Variants in FMN1 observed in about 807,000 individuals in gnomAD.
FMN1 encodes the protein formin 1, also known as formin-1.
A neutral mutation model predicts 132.4 loss-of-function variants in FMN1; 110 were observed. The observed-to-expected ratio is 0.83, with a 90% CI of 0.71 to 0.97. The LOEUF is 0.97. Among genes scored for constraint, FMN1 ranks in the 50% least tolerant of loss-of-function variants. The pLI is 0.00. For synonymous variants in FMN1, 722 were observed against 651.7 expected, an observed-to-expected ratio of 1.11 and a Z score of -1.64; for missense variants, 1,792 against 1,705.3, an observed-to-expected ratio of 1.05 and a Z score of -0.90.
At chr15:32,907,566 A>C (rs1447410671) in intron 12 of FMN1, among the ~76,000 whole-genome samples, 1 of 152,086 alleles carries the variant, frequency 6.6e-6, no homozygotes, top group Non-Finnish European at 1.5e-5. Flanking sequence ...TTTCTAGAGG[A>C]CCCAAGGGAC....
At chr15:32,919,677 C>T (rs909480525) in intron 10 of FMN1, among the ~76,000 whole-genome samples, 5 of 152,032 alleles carry the variant, frequency 3.3e-5, no homozygotes, top group Non-Finnish European at 7.4e-5. Context: ...TTGGGGTGCA[C>T]GATAAAAAAA....
chr15:32,856,954 G>A lies in FMN1; in HGVS notation c.3928+61C>T. On this transcript the variant is annotated intron_variant, in intron 17 of 20. Coordinates refer to ENST00000616417, the MANE Select transcript of FMN1 (RefSeq NM_001277313.2). ...CCAGGGGCCGTGGGCCTCAGAGAAA[G>A]ATTCATGGAATGAAGGATGTTTCAG... is the stretch of plus-strand genomic sequence containing the variant. 13 of 1,247,970 alleles carry A rather than the reference G, an allele frequency of 1.0e-5. No homozygotes were observed. In the South Asian group the frequency reaches 1.3e-4, roughly 13 times the overall value. 77.3% of individuals were successfully genotyped at this position (1,247,970 alleles called of 1,614,324 possible). A position where few individuals can be genotyped will look rare whatever the true frequency, so the allele number is the denominator to read the frequency against.
At chr15:32,808,021 G>A (rs1230421356) in intron 17 of FMN1, among the ~76,000 whole-genome samples, 1 of 152,204 alleles carries the variant, frequency 6.6e-6, no homozygotes, top group Non-Finnish European at 1.5e-5. Context: ...GAAGAACCAT[G>A]TTTAAAGACT....
At chr15:33,015,786 G>A (rs983892165) in intron 6 of FMN1, among the ~76,000 whole-genome samples, 2 of 152,128 alleles carry the variant, frequency 1.3e-5, no homozygotes, top group Admixed American at 1.3e-4. Flanking sequence ...ACACCGGCAA[G>A]GTCATTTTTT....
rs1450579471 is a variant in FMN1, at chr15:33,153,878, G to A, written c.1037C>T (p.Thr346Met). The A allele has an allele frequency of 5.2e-6, 8 of 1,536,650 alleles. No individual in the cohort carries two copies. In the East Asian group the frequency reaches 7.3e-5, roughly 14 times the overall value. The stretch of plus-strand genomic sequence containing the variant: ...AATCGTCTCCTTACCCTTAGAATGC[G>A]TTTTAACTACTCTTTGTACCTGGGA... ...LSSQVQRVVK[T>M]HSKGKETIAI... Residue 346 changes from threonine (T) to methionine (M), a missense_variant, in exon 4 of 21, where the codon ACG becomes ATG. By Grantham distance (81) the Thr-to-Met change is moderately conservative. Coordinates refer to ENST00000616417, the MANE Select transcript of FMN1 (RefSeq NM_001277313.2).
intron 12 of FMN1, among the ~76,000 whole-genome samples, chr15:32,906,295 C>T (rs1220220445): frequency 6.6e-6 from 1 of 152,042 alleles, no homozygotes; most frequent in Non-Finnish European, 1.5e-5. Context: ...ATTAAAAGAA[C>T]GATGTTTACG....
At chr15:32,920,005 A>T (rs1287137215) in intron 10 of FMN1, among the ~76,000 whole-genome samples, 1 of 152,220 alleles carries the variant, frequency 6.6e-6, no homozygotes, top group Non-Finnish European at 1.5e-5. Context: ...GACGTTCTGA[A>T]CTAGTAAGAA....
intron 4 of FMN1, among the ~76,000 whole-genome samples, chr15:33,091,840 T>C (rs2038914474): frequency 6.6e-6 from 1 of 152,230 alleles, no homozygotes; most frequent in South Asian, 2.1e-4. Context: ...TAGATAAATA[T>C]ATTCTGTCAA....
At chr15:32,943,778 G>C (rs1245329032) in intron 9 of FMN1, among the ~76,000 whole-genome samples, 2 of 152,136 alleles carry the variant, frequency 1.3e-5, no homozygotes, top group East Asian at 3.8e-4. Context: ...TATTAAGAAG[G>C]CCTTAGGTTT....
chr15:32,845,503 C>A (rs557955919), intron 17 of FMN1, among the ~76,000 whole-genome samples: 1 of 152,156 alleles, frequency 6.6e-6, no homozygotes, highest in African/African-American at 2.4e-5. Context: ...CTATTTACCC[C>A]TAGGGTCCTG....
intron 17 of FMN1, 82 bp from the exon 18 acceptor site, chr15:32,804,414 C>T: frequency 1.2e-5 from 4 of 325,218 alleles, no homozygotes; most frequent in East Asian, 7.1e-5. Flanking sequence ...TACACCCATT[C>T]ATTACCACAG....
In FMN1 at chr15:32,772,992, C is replaced by T. The variant is rs1300607080; in HGVS notation, c.*1318G>A. 8 of 152,200 alleles carry T rather than the reference C, an allele frequency of 5.3e-5. No individual in the cohort carries two copies. Among genetic ancestry groups the T allele is most frequent in the East Asian group, 1.9e-4 (1 of 5,194 alleles). The allele number at this position is 152,200 out of a possible 1,614,324, so 9.4% of individuals were successfully genotyped here. On this transcript the variant is annotated 3_prime_UTR_variant, in exon 21 of 21. Transcript: ENST00000616417. ...CTCCACCAATTGGGGGGAGAAAGCT[C>T]GGCCTCTTCAAGGCCTAAAAATGAG...
At chr15:32,809,729 C>T (rs796889242) in intron 17 of FMN1, among the ~76,000 whole-genome samples, 17 of 152,150 alleles carry the variant, frequency 1.1e-4, no homozygotes, top group African/African-American at 3.9e-4. Flanking sequence ...TGTGGTGAGC[C>T]GTTCTTTCTG....
At chr15:32,989,161 C>T (rs535924594) in intron 7 of FMN1, among the ~76,000 whole-genome samples, 2 of 152,260 alleles carry the variant, frequency 1.3e-5, no homozygotes, top group Admixed American at 6.5e-5. Flanking sequence ...GGAAGACCAA[C>T]CAGTGATTAA....
intron 6 of FMN1, among the ~76,000 whole-genome samples, chr15:33,022,949 G>A (rs1010837996): frequency 1.3e-5 from 2 of 151,538 alleles, no homozygotes; most frequent in African/African-American, 2.4e-5. Flanking sequence ...GGGTGGCAGA[G>A]GGTGGGAGGA....
intron 17 of FMN1, among the ~76,000 whole-genome samples, chr15:32,824,741 G>A (rs1331836137): frequency 6.6e-6 from 1 of 152,176 alleles, no homozygotes; most frequent in Non-Finnish European, 1.5e-5. Flanking sequence ...CTACAGGTGT[G>A]AGCCACCGTG....
At chr15:32,934,753 T>TC (rs1176072496) in intron 9 of FMN1, among the ~76,000 whole-genome samples, 1 of 151,198 alleles carries the variant, frequency 6.6e-6, no homozygotes, top group African/African-American at 2.4e-5. Flanking sequence ...ATTATAGGCG[T>TC]CCCCTGCCAT....
At chr15:32,998,230 A>AC (rs1555376137) in intron 7 of FMN1, among the ~76,000 whole-genome samples, 1 of 152,178 alleles carries the variant, frequency 6.6e-6, no homozygotes, top group African/African-American at 2.4e-5. Context: ...TCCTAATGCT[A>AC]CCCCCCAAAT....
chr15:32,830,178 A>G (rs725807), intron 17 of FMN1, among the ~76,000 whole-genome samples: 31,012 of 152,096 alleles, frequency 0.2, 3,549 homozygotes, highest in East Asian at 0.52. Context: ...AAAAAAGTAA[A>G]TGAAGTTATT....
Sources: gnomAD v4.1 joint callset for allele counts (sites outside exome capture counted in the v4.1 genomes callset) on GRCh38, gnomAD v4.1.1 for gene constraint, MANE v1.5 for transcripts, NCBI Gene and HGNC (gene_info 2026-07-23, HGNC 2026-07-21) for gene names.